SPIDR: variants seen among roughly 807,000 people sequenced by gnomAD.
SPIDR encodes the protein scaffold protein involved in DNA repair, also known as DNA repair-scaffolding protein.
SPIDR carries 93 observed loss-of-function variants against 104.6 expected under a neutral mutation model. The ratio of observed to expected loss-of-function variants is 0.89; its 90% CI spans 0.75 to 1.06. The LOEUF (loss-of-function observed/expected upper bound fraction) is 1.06. Among genes scored for constraint, SPIDR ranks in the 50% least tolerant of loss-of-function variants. SPIDR has a pLI of 0.00. For missense variants in SPIDR, 1,154 were observed against 1,111.2 expected, an observed-to-expected ratio of 1.04 and a Z score of -0.55; for synonymous variants, 431 against 416.9, an observed-to-expected ratio of 1.03 and a Z score of -0.41.
intron 11 of SPIDR, among the ~76,000 whole-genome samples, chr8:47,699,034 A>T (rs2079755005): frequency 6.6e-6 from 1 of 152,120 alleles, no homozygotes; most frequent in East Asian, 1.9e-4. Flanking sequence ...GTATAAAGAA[A>T]TTTTTTTTAC....
intron 5 of SPIDR, among the ~76,000 whole-genome samples, chr8:47,386,912 TATAGATATAGATA>T (rs2060004239): frequency 4.2e-5 from 1 of 24,022 alleles, no homozygotes; most frequent in African/African-American, 2.5e-4. Context: ...GAGATATAGA[TATAGATATAGATA>T]TAGATATAGA....
intron 9 of SPIDR, among the ~76,000 whole-genome samples, chr8:47,598,564 C>T (rs2061888444): frequency 6.6e-6 from 1 of 152,200 alleles, no homozygotes; most frequent in Non-Finnish European, 1.5e-5. Flanking sequence ...TGTATTATCC[C>T]TAGTCATTCT....
At chr8:47,545,919 G>A (rs983978311) in intron 8 of SPIDR, among the ~76,000 whole-genome samples, 2 of 151,976 alleles carry the variant, frequency 1.3e-5, no homozygotes, top group Non-Finnish European at 2.9e-5. Context: ...ATTTAATGTG[G>A]TAGATTACAT....
At chr8:47,600,464 ACTT>A (rs1481375059) in intron 10 of SPIDR, among the ~76,000 whole-genome samples, 1 of 152,242 alleles carries the variant, frequency 6.6e-6, no homozygotes, top group Non-Finnish European at 1.5e-5. Flanking sequence ...AAGTGGAGGC[ACTT>A]TATTTGAAAA....
chr8:47,625,265 C>T (rs182175889), intron 10 of SPIDR, among the ~76,000 whole-genome samples: 21 of 152,286 alleles, frequency 1.4e-4, no homozygotes, highest in African/African-American at 4.8e-4. Context: ...CTATGGCAAA[C>T]CCACAGCCAA....
chr8:47,691,207 C>T (rs771188352), intron 11 of SPIDR, among the ~76,000 whole-genome samples: 4 of 146,652 alleles, frequency 2.7e-5, no homozygotes, highest in Non-Finnish European at 5.9e-5. Flanking sequence ...ACGAGAATCA[C>T]TTAAACCTAG....
chr8:47,367,736 G>C (rs766883733), intron 5 of SPIDR, among the ~76,000 whole-genome samples: 41 of 152,084 alleles, frequency 2.7e-4, no homozygotes, highest in Admixed American at 4.6e-4. Context: ...TCCATAACCC[G>C]CCCAAGTCTT....
chr8:47,487,221 C>A (rs979943859), intron 8 of SPIDR, among the ~76,000 whole-genome samples: 3 of 152,084 alleles, frequency 2.0e-5, no homozygotes, highest in Non-Finnish European at 1.5e-5. Context: ...TCTCATGAAA[C>A]AGACTTTAAA....
chr8:47,362,320 C>G (rs1019285702), intron 5 of SPIDR, among the ~76,000 whole-genome samples: 2 of 152,220 alleles, frequency 1.3e-5, no homozygotes, highest in African/African-American at 4.8e-5. Flanking sequence ...GAGTTGAAAA[C>G]TCCCTAAGTG....
intron 11 of SPIDR, among the ~76,000 whole-genome samples, chr8:47,676,752 G>C (rs2076499889): frequency 6.6e-6 from 1 of 152,158 alleles, no homozygotes; most frequent in African/African-American, 2.4e-5. Flanking sequence ...AATTTCATCT[G>C]ATCCACAGTT....
intron 10 of SPIDR, among the ~76,000 whole-genome samples, chr8:47,622,831 C>T (rs1476823387): frequency 6.6e-6 from 1 of 152,070 alleles, no homozygotes. Context: ...TAGGTCAAGC[C>T]CATAATATGA....
chr8:47,386,906 TATAGATATAGATATAGATATAGATATAG>T (rs1298594270), intron 5 of SPIDR, among the ~76,000 whole-genome samples: 1 of 31,700 alleles, frequency 3.2e-5, no homozygotes, highest in Admixed American at 3.0e-4. Flanking sequence ...GAGAGAGAGA[TATAGATATAGATATAGATATAGATATAG>T]ATATAGATAT....
At chr8:47,627,154 C>T (rs910562395) in intron 10 of SPIDR, among the ~76,000 whole-genome samples, 6 of 152,080 alleles carry the variant, frequency 3.9e-5, no homozygotes, top group Non-Finnish European at 7.4e-5. Context: ...AACCGAACAC[C>T]GCATGTTCTC....
chr8:47,520,368 GTGTC>G lies in SPIDR; in HGVS notation c.1098-75440_1098-75437del, dbSNP rs139709663. Among the ~76,000 whole-genome samples, 439 of 152,278 alleles carry G rather than the reference GTGTC, an allele frequency of 2.9e-3. 1 individual carries two copies. The highest frequency in any genetic ancestry group is 4.6e-3 in the Non-Finnish European group (311 of 68,020). On this transcript the variant is annotated intron_variant, in intron 8 of 19. Transcript: ENST00000297423. ...TCCTTTTGAAACTGGTATATGTTGA[GTGTC>G]TGATATGAATTGAACAAAAGTTGAA...
intron 8 of SPIDR, among the ~76,000 whole-genome samples, chr8:47,535,214 A>G (rs1168811518): frequency 3.9e-5 from 6 of 152,214 alleles, no homozygotes; most frequent in Non-Finnish European, 7.3e-5. Context: ...GGCAGAAATT[A>G]TACCTATTTT....
At chr8:47,649,114 A>G (rs1402686705) in intron 10 of SPIDR, among the ~76,000 whole-genome samples, 1 of 152,188 alleles carries the variant, frequency 6.6e-6, no homozygotes, top group African/African-American at 2.4e-5. Flanking sequence ...CCCAGGATGC[A>G]CACCTATAGT....
At chr8:47,379,634 G>A (rs558536920) in intron 5 of SPIDR, among the ~76,000 whole-genome samples, 1 of 152,194 alleles carries the variant, frequency 6.6e-6, no homozygotes, top group Non-Finnish European at 1.5e-5. Flanking sequence ...TTAAATTGTG[G>A]CTAAAGGAGT....
chr8:47,423,151 A>G (rs1554682289), intron 7 of SPIDR, among the ~76,000 whole-genome samples: 1 of 152,058 alleles, frequency 6.6e-6, no homozygotes, highest in Non-Finnish European at 1.5e-5. Context: ...TAAAAATGCA[A>G]AAATTGGCAT....
chr8:47,486,092 C>A (rs1202164336), intron 8 of SPIDR, among the ~76,000 whole-genome samples: 1 of 152,074 alleles, frequency 6.6e-6, no homozygotes, highest in African/African-American at 2.4e-5. Flanking sequence ...CGCAAAGCAG[C>A]TAAAAACCTT....
Sources: allele counts gnomAD v4.1 joint callset (sites outside exome capture counted in the v4.1 genomes callset), GRCh38; gene constraint gnomAD v4.1.1; transcripts MANE v1.5; gene names NCBI Gene and HGNC (gene_info 2026-07-23, HGNC 2026-07-21).